Variants in TMEM87B observed in about 807,000 individuals in gnomAD.
TMEM87B encodes the protein transmembrane protein 87B.
In TMEM87B, 83 loss-of-function variants were observed where a neutral mutation model predicts 80.3. That is an observed-to-expected ratio of 1.03 (90% CI 0.87 to 1.24). The LOEUF (loss-of-function observed/expected upper bound fraction) is 1.24. Ranked by LOEUF, TMEM87B falls within the 50% of genes most tolerant of loss-of-function variation. TMEM87B has a pLI of 0.00. For synonymous variants in TMEM87B, 219 were observed against 230.5 expected, an observed-to-expected ratio of 0.95 and a Z score of 0.45; for missense variants, 625 against 674.4, an observed-to-expected ratio of 0.93 and a Z score of 0.81.
At chr2:112,071,011 G>A (rs1382822105) in intron 4 of TMEM87B, among the ~76,000 whole-genome samples, 1 of 151,282 alleles carries the variant, frequency 6.6e-6, no homozygotes, top group Admixed American at 6.6e-5. Context: ...TTTTTTAGTA[G>A]AGATGGGGTT....
At chr2:112,093,488 T>C (rs555973775) in intron 11 of TMEM87B, among the ~76,000 whole-genome samples, 65 of 152,304 alleles carry the variant, frequency 4.3e-4, no homozygotes, top group Admixed American at 2.6e-3. Flanking sequence ...GTGGACATCT[T>C]AGGAGTCTGA....
chr2:112,099,993 A>G (rs951939901), intron 14 of TMEM87B, among the ~76,000 whole-genome samples: 3 of 152,156 alleles, frequency 2.0e-5, no homozygotes, highest in Admixed American at 6.5e-5. Flanking sequence ...CATGAATGTA[A>G]TATAATTTAT....
chr2:112,086,355 T>C (rs1679145396), intron 9 of TMEM87B, among the ~76,000 whole-genome samples: 1 of 152,258 alleles, frequency 6.6e-6, no homozygotes, highest in African/African-American at 2.4e-5. Context: ...TTAAGGATAA[T>C]GGAAAATCTA....
In TMEM87B at chr2:112,055,339, A is replaced by G; in HGVS notation, c.-253A>G. 8.0e-6 allele frequency: 4 copies of G among 498,960 alleles called. No individual in the cohort carries two copies. The highest frequency in any genetic ancestry group is 2.9e-5 in the South Asian group (1 of 34,594). 30.9% of individuals were successfully genotyped at this position (498,960 alleles called of 1,614,324 possible). On this transcript the variant is annotated 5_prime_UTR_variant, in exon 1 of 19. Transcript: ENST00000283206. The stretch of plus-strand genomic sequence containing the variant: ...CCGCCAACTCCACATCCTGGCTCCT[A>G]TCTCTGCCTTCCAGGCATCTCCCAG...
At chr2:112,083,311 A>T (rs1032900382) in intron 8 of TMEM87B, among the ~76,000 whole-genome samples, 3 of 152,192 alleles carry the variant, frequency 2.0e-5, no homozygotes, top group Non-Finnish European at 4.4e-5. Flanking sequence ...ATATCTAAAG[A>T]GTTCATGGAG....
At position 112,098,703 on chromosome 2, in the gene TMEM87B, C is replaced by CTAGG; in HGVS notation, c.1376+7_1376+8insGGTA. On this transcript the variant is annotated splice_donor_region_variant and intron_variant, in intron 14 of 18. Transcript: ENST00000283206. The stretch of plus-strand genomic sequence containing the variant: ...ACCATCAGCAAACAATCAGAGGTAC[C>CTAGG]TAACATAGGAAATTTCAAGTCGTCA... 1 of 1,612,964 alleles carries CTAGG rather than the reference C, an allele frequency of 6.2e-7. No individual in the cohort carries two copies. The highest frequency in any genetic ancestry group is 8.5e-7 in the Non-Finnish European group (1 of 1,179,140).
At chr2:112,060,657 C>T (rs1573677623) in intron 2 of TMEM87B, among the ~76,000 whole-genome samples, 1 of 151,596 alleles carries the variant, frequency 6.6e-6, no homozygotes, top group African/African-American at 2.4e-5. Context: ...CTGCCTCAGC[C>T]TCCCTAGTAG....
chr2:112,071,666 C>A (rs989210371), intron 4 of TMEM87B, among the ~76,000 whole-genome samples: 1 of 152,166 alleles, frequency 6.6e-6, no homozygotes, highest in South Asian at 2.1e-4. Flanking sequence ...TGCTTATCAG[C>A]TCAAGGAGCT....
At chr2:112,089,054 C>T (rs1048405051) in intron 9 of TMEM87B, among the ~76,000 whole-genome samples, 2 of 152,176 alleles carry the variant, frequency 1.3e-5, no homozygotes, top group African/African-American at 4.8e-5. Flanking sequence ...AGCCACTGCG[C>T]CTCGCCCAAA....
intron 9 of TMEM87B, among the ~76,000 whole-genome samples, chr2:112,087,435 T>C (rs1679181316): frequency 6.6e-6 from 1 of 150,908 alleles, no homozygotes; most frequent in Non-Finnish European, 1.5e-5. Context: ...TGACCTTCGG[T>C]TTTTTTTTCA....
rs1680057894 is a variant in TMEM87B, at chr2:112,117,567, T to C, written c.*1424T>C. ...AAGGTATTGGTAAATGTGTTTTCAG[T>C]CGTGACCATGTGGAAAGTGAACAGT... On this transcript the variant is annotated 3_prime_UTR_variant, in exon 19 of 19. Coordinates refer to ENST00000283206, the MANE Select transcript of TMEM87B (RefSeq NM_032824.3). The C allele has an allele frequency of 6.6e-6, 1 of 152,150 alleles. No individual in the cohort carries two copies. The highest frequency in any genetic ancestry group is 6.6e-5 in the Admixed American group (1 of 15,266). The allele number at this position is 152,150 out of a possible 1,614,324, so 9.4% of individuals were successfully genotyped here. A position where few individuals can be genotyped will look rare whatever the true frequency, so the allele number is the denominator to read the frequency against.
intron 8 of TMEM87B, among the ~76,000 whole-genome samples, chr2:112,083,467 C>T (rs1679059692): frequency 6.6e-6 from 1 of 152,196 alleles, no homozygotes; most frequent in Non-Finnish European, 1.5e-5. Context: ...CCACAGGTGA[C>T]CAGTGACTGC....
intron 14 of TMEM87B, 117 bp from the exon 15 acceptor site, chr2:112,100,505 T>C (rs575826478): frequency 1.6e-6 from 1 of 611,228 alleles, no homozygotes; most frequent in African/African-American, 1.9e-5. Flanking sequence ...TTTTCATTAT[T>C]TTAAAGTATA....
chr2:112,065,675 G>C (rs1020891107), intron 3 of TMEM87B, among the ~76,000 whole-genome samples: 1 of 148,324 alleles, frequency 6.7e-6, no homozygotes, highest in Non-Finnish European at 1.5e-5. Flanking sequence ...AAGTTCACCA[G>C]TGTCCCAATA....
intron 2 of TMEM87B, among the ~76,000 whole-genome samples, chr2:112,062,885 T>C (rs10194496): frequency 0.48 from 72,304 of 151,782 alleles, 17,719 homozygotes; most frequent in Middle Eastern, 0.66. Context: ...CCCAACTCTG[T>C]GTGAGCTCTG....
At chr2:112,095,326 G>T (rs779635968) in intron 11 of TMEM87B, 7 of 983,462 alleles carry the variant, frequency 7.1e-6, no homozygotes, top group African/African-American at 7.0e-5. Context: ...ACAGCAGCGC[G>T]CTCTCACTTC....
At chr2:112,105,704 A>C (rs1174888158) in intron 15 of TMEM87B, among the ~76,000 whole-genome samples, 1 of 152,230 alleles carries the variant, frequency 6.6e-6, no homozygotes, top group African/African-American at 2.4e-5. Flanking sequence ...AAACTTTAAA[A>C]TAATTGCAAT....
chr2:112,065,509 G>C (rs1422334217), intron 3 of TMEM87B, among the ~76,000 whole-genome samples: 2 of 152,042 alleles, frequency 1.3e-5, no homozygotes, highest in Non-Finnish European at 2.9e-5. Context: ...GCCAGACACA[G>C]TGGCATGTGC....
intron 8 of TMEM87B, among the ~76,000 whole-genome samples, chr2:112,084,876 T>G (rs1214537006): frequency 1.3e-5 from 2 of 152,226 alleles, no homozygotes; most frequent in Non-Finnish European, 2.9e-5. Flanking sequence ...AGCCATCCAT[T>G]TTATTCCAGC....
Sources: allele counts gnomAD v4.1 joint callset (sites outside exome capture counted in the v4.1 genomes callset), GRCh38; gene constraint gnomAD v4.1.1; transcripts MANE v1.5; gene names NCBI Gene and HGNC (gene_info 2026-07-23, HGNC 2026-07-21).